The following ADK variants were observed in gnomAD, a reference collection of about 807,000 sequenced individuals.
ADK encodes the protein adenosine kinase.
ADK carries 24 observed loss-of-function variants against 44.7 expected under a neutral mutation model. The ratio of observed to expected loss-of-function variants is 0.54; its 90% confidence interval spans 0.39 to 0.76. The LOEUF is 0.76. ADK is among the 30% of genes least tolerant of loss of function. ADK has a pLI of 0.00. For missense variants in ADK, 321 were observed against 425.1 expected (o/e 0.76, Z 2.15); for synonymous variants, 128 against 142.6 (o/e 0.90, Z 0.73).
At chr10:74,669,714 T>C (rs1855101088) in intron 9 of ADK, among the ~76,000 whole-genome samples, 1 of 152,272 alleles carries the variant, frequency 6.6e-6, no homozygotes. Context: ...ATTGTGATTT[T>C]CTATAAAGAA....
chr10:74,168,270 T>C (rs1325409827), intron 1 of ADK, among the ~76,000 whole-genome samples: 1 of 152,222 alleles, frequency 6.6e-6, no homozygotes, highest in Non-Finnish European at 1.5e-5. Flanking sequence ...CTGGGCGCGG[T>C]GGCTTACGCC....
chr10:74,303,653 T>A (rs1015223475), intron 3 of ADK, among the ~76,000 whole-genome samples: 1 of 139,106 alleles, frequency 7.2e-6, no homozygotes, highest in Non-Finnish European at 1.5e-5. Context: ...TCTACACTGA[T>A]AAATTTTCAA....
At chr10:74,620,752 T>C (rs1419115209) in intron 9 of ADK, among the ~76,000 whole-genome samples, 1 of 152,180 alleles carries the variant, frequency 6.6e-6, no homozygotes, top group African/African-American at 2.4e-5. Flanking sequence ...AGTGAGATGA[T>C]ACCTCACTGG....
At chr10:74,567,539 G>A (rs2133838642) in intron 7 of ADK, among the ~76,000 whole-genome samples, 1 of 152,082 alleles carries the variant, frequency 6.6e-6, no homozygotes, top group East Asian at 1.9e-4. Context: ...CTACTTACTT[G>A]CTATTCTCAG....
At chr10:74,570,487 C>T (rs187106281) in intron 7 of ADK, among the ~76,000 whole-genome samples, 1 of 152,084 alleles carries the variant, frequency 6.6e-6, no homozygotes, top group East Asian at 1.9e-4. Context: ...AGAGGTCCCT[C>T]CTTGAAGAGG....
At chr10:74,273,175 G>GA (rs1311534569) in intron 3 of ADK, among the ~76,000 whole-genome samples, 2,171 of 143,092 alleles carry the variant, frequency 0.015, 33 homozygotes, top group Non-Finnish European at 0.022. Flanking sequence ...AGGACAGCCA[G>GA]AAAAAAAAAA....
At chr10:74,427,503 G>T (rs1200562467) in intron 6 of ADK, among the ~76,000 whole-genome samples, 1 of 152,040 alleles carries the variant, frequency 6.6e-6, no homozygotes, top group African/African-American at 2.4e-5. Context: ...CGGCCTATAG[G>T]TTTATTTTAA....
chr10:74,691,368 A>G (rs911007513), intron 10 of ADK, among the ~76,000 whole-genome samples: 5 of 152,210 alleles, frequency 3.3e-5, no homozygotes, highest in Non-Finnish European at 7.3e-5. Flanking sequence ...GAACAAAGGT[A>G]ATTACATGAT....
At chr10:74,462,919 A>G (rs557550312) in intron 6 of ADK, among the ~76,000 whole-genome samples, 1 of 152,300 alleles carries the variant, frequency 6.6e-6, no homozygotes, top group African/African-American at 2.4e-5. Flanking sequence ...TAGAATAAAC[A>G]TGAAAGTTTT....
At chr10:74,614,761 C>A (rs1352905988) in intron 9 of ADK, among the ~76,000 whole-genome samples, 3 of 151,222 alleles carry the variant, frequency 2.0e-5, no homozygotes, top group African/African-American at 7.2e-5. Flanking sequence ...TCAACTATTT[C>A]TCCAAGGAAC....
chr10:74,473,721 C>T (rs1464460192), intron 6 of ADK, among the ~76,000 whole-genome samples: 1 of 152,166 alleles, frequency 6.6e-6, no homozygotes, highest in East Asian at 1.9e-4. Context: ...TAGTGTGAAC[C>T]TTGAACATCA....
chr10:74,237,986 C>T (rs919341283), intron 3 of ADK, among the ~76,000 whole-genome samples: 5 of 152,008 alleles, frequency 3.3e-5, no homozygotes, highest in African/African-American at 1.2e-4. Context: ...CCCAGCTACT[C>T]GGGAGGCTGA....
intron 6 of ADK, among the ~76,000 whole-genome samples, chr10:74,503,301 G>T (rs1412472779): frequency 6.6e-6 from 1 of 152,150 alleles, no homozygotes; most frequent in South Asian, 2.1e-4. Context: ...ATATAGAAAG[G>T]TACAGGATTT....
chr10:74,182,090 G>C (rs920300000), intron 1 of ADK, among the ~76,000 whole-genome samples: 1 of 152,128 alleles, frequency 6.6e-6, no homozygotes, highest in Admixed American at 6.5e-5. Context: ...ATGTCCAATA[G>C]AATCTGCCAA....
intron 3 of ADK, among the ~76,000 whole-genome samples, chr10:74,291,146 G>A (rs1398760372): frequency 6.6e-6 from 1 of 152,072 alleles, no homozygotes; most frequent in African/African-American, 2.4e-5. Context: ...GGCTGGGTGC[G>A]GTGGCTCACG....
intron 6 of ADK, among the ~76,000 whole-genome samples, chr10:74,496,725 T>C (rs1272884760): frequency 6.6e-6 from 1 of 152,090 alleles, no homozygotes; most frequent in Non-Finnish European, 1.5e-5. Flanking sequence ...TGCTTCCACC[T>C]CCCATAGTGC....
chr10:74,637,350 T>C (rs1281259547), intron 9 of ADK, among the ~76,000 whole-genome samples: 1 of 152,218 alleles, frequency 6.6e-6, no homozygotes, highest in African/African-American at 2.4e-5. Flanking sequence ...AATGAATGTT[T>C]TTCTTAACTC....
At chr10:74,331,284 C>T (rs1312232345) in intron 4 of ADK, among the ~76,000 whole-genome samples, 1 of 148,796 alleles carries the variant, frequency 6.7e-6, no homozygotes, top group Non-Finnish European at 1.5e-5. Flanking sequence ...TTTTGAAAAC[C>T]TGTTTTGATT....
chr10:74,259,193 C>A (rs1327494599), intron 3 of ADK, among the ~76,000 whole-genome samples: 1 of 151,672 alleles, frequency 6.6e-6, no homozygotes, highest in Non-Finnish European at 1.5e-5. Context: ...GATCTGCCTG[C>A]CTCAGCCTCC....
Sources: allele counts gnomAD v4.1 joint callset (sites outside exome capture counted in the v4.1 genomes callset), GRCh38; gene constraint gnomAD v4.1.1; transcripts MANE v1.5; gene names NCBI Gene and HGNC (gene_info 2026-07-23, HGNC 2026-07-21).